The following PRIM2 variants were observed in gnomAD, a reference collection of about 807,000 sequenced individuals.
PRIM2 encodes DNA primase large subunit.
Under a neutral mutation model 67.3 loss-of-function variants are expected in PRIM2, and 39 were observed. That is an observed-to-expected ratio of 0.58 (90% CI 0.45 to 0.76). PRIM2 has a LOEUF of 0.76. PRIM2 is among the 30% of genes least tolerant of loss of function. The pLI is 0.00. For synonymous variants in PRIM2, 143 were observed against 198.7 expected (o/e 0.72, Z 2.36); for missense variants, 398 against 598.7 (o/e 0.66, Z 3.50).
intron 13 of PRIM2, among the ~76,000 whole-genome samples, chr6:57,638,199 C>A (rs1777158040): frequency 6.6e-6 from 1 of 152,116 alleles, no homozygotes; most frequent in Non-Finnish European, 1.5e-5. Flanking sequence ...CAAGCAAATG[C>A]TGAGAGATTT....
chr6:57,283,568 T>A, the PRIM2 span, among the ~76,000 whole-genome samples: 1 of 152,218 alleles, frequency 6.6e-6, no homozygotes, highest in African/African-American at 2.4e-5. Flanking sequence ...TCAGATTTTT[T>A]ATTAACTCGG....
At chr6:57,380,288 T>TC (rs1769913950) in intron 6 of PRIM2, among the ~76,000 whole-genome samples, 1 of 151,934 alleles carries the variant, frequency 6.6e-6, no homozygotes, top group Non-Finnish European at 1.5e-5. Flanking sequence ...CACTGGGCTA[T>TC]CCCCTGCCAG....
intron 5 of PRIM2, among the ~76,000 whole-genome samples, chr6:57,367,872 G>A (rs1045519740): frequency 1.3e-5 from 2 of 152,266 alleles, no homozygotes; most frequent in African/African-American, 2.4e-5. Flanking sequence ...GGCATCACTC[G>A]TTCCTGTCAA....
intron 12 of PRIM2, among the ~76,000 whole-genome samples, chr6:57,620,457 G>A (rs1776832223): frequency 6.6e-6 from 1 of 152,098 alleles, no homozygotes; most frequent in African/African-American, 2.4e-5. Context: ...TGTATCCAGT[G>A]AAACTAAGCA....
the PRIM2 span, among the ~76,000 whole-genome samples, chr6:57,262,886 T>C: frequency 1.1e-4 from 17 of 152,064 alleles, no homozygotes; most frequent in Non-Finnish European, 2.2e-4. Context: ...CCTCCACAGC[T>C]CTCCCAACCC....
At position 57,320,550 on chromosome 6, in the gene PRIM2, T is replaced by G. The variant is rs746056265; in HGVS notation, c.248T>G (p.Phe83Cys). The G allele has an allele frequency of 6.2e-7, 1 of 1,603,576 alleles. No homozygotes were observed. Among genetic ancestry groups the G allele is most frequent in the South Asian group, 1.1e-5 (1 of 89,112 alleles). Residue 83 changes from phenylalanine to cysteine, a missense_variant, in exon 3 of 14, where the codon TTT becomes TGT. Around this residue, in one of 4 missense-constraint regions of PRIM2, gnomAD observed 96 missense variants for 98.3 expected, o/e 0.98. Transcript: ENST00000615550. ...GAGAGTGAGCTTCGGAAGCTCAAGT[T>G]TTCCTACAGAGTAAGTAAAAAAGGA... ...KLESELRKLK[F>C]SYRENLEDEY...
intron 7 of PRIM2, among the ~76,000 whole-genome samples, chr6:57,492,442 C>T (rs1424403400): frequency 2.0e-5 from 3 of 151,758 alleles, no homozygotes; most frequent in Non-Finnish European, 2.9e-5. Flanking sequence ...ACTCAGGAGG[C>T]TGAGGCAGGA....
At chr6:57,436,942 A>G (rs1352772337) in intron 7 of PRIM2, among the ~76,000 whole-genome samples, 1 of 152,216 alleles carries the variant, frequency 6.6e-6, no homozygotes, top group Non-Finnish European at 1.5e-5. Context: ...TTGGTGTATT[A>G]GTCCATTCTT....
chr6:57,590,047 G>C (rs1210896221), intron 10 of PRIM2, among the ~76,000 whole-genome samples: 1 of 152,182 alleles, frequency 6.6e-6, no homozygotes, highest in Non-Finnish European at 1.5e-5. Context: ...CAGAAAGAAA[G>C]ACTTCTAGCT....
chr6:57,586,102 G>T (rs1187724717), intron 10 of PRIM2, among the ~76,000 whole-genome samples: 4 of 152,236 alleles, frequency 2.6e-5, no homozygotes, highest in Middle Eastern at 3.4e-3. Context: ...TTGTTTTAGA[G>T]ATAACTTTAA....
At chr6:57,537,942 A>G (rs1775033321) in intron 10 of PRIM2, among the ~76,000 whole-genome samples, 2 of 152,132 alleles carry the variant, frequency 1.3e-5, no homozygotes, top group African/African-American at 4.8e-5. Context: ...GCACTGGGAG[A>G]TATCATGAAC....
intron 8 of PRIM2, among the ~76,000 whole-genome samples, chr6:57,525,338 C>T (rs1581969689): frequency 6.6e-6 from 1 of 152,154 alleles, no homozygotes; most frequent in South Asian, 2.1e-4. Flanking sequence ...ATATATTTAA[C>T]GTTGTTAAAC....
intron 7 of PRIM2, among the ~76,000 whole-genome samples, chr6:57,478,337 G>GTTTTTTTTTTTTTTTTT (rs1170764739): frequency 7.7e-6 from 1 of 130,664 alleles, no homozygotes; most frequent in Non-Finnish European, 1.6e-5. Flanking sequence ...TTTTTTTTTT[G>GTTTTTTTTTTTTTTTTT]TTTTTTTTTT....
chr6:57,580,955 GAA>G (rs1323619778), intron 10 of PRIM2, among the ~76,000 whole-genome samples: 1 of 149,408 alleles, frequency 6.7e-6, no homozygotes, highest in Non-Finnish European at 1.5e-5. Context: ...AACTATGAAA[GAA>G]AAAAAAATAA....
At chr6:57,285,396 C>T in the PRIM2 span, among the ~76,000 whole-genome samples, 1 of 152,180 alleles carries the variant, frequency 6.6e-6, no homozygotes, top group African/African-American at 2.4e-5. Flanking sequence ...AAACCAAACC[C>T]AGCAGCACAT....
chr6:57,565,591 C>T (rs1473753361), intron 10 of PRIM2, among the ~76,000 whole-genome samples: 5 of 152,170 alleles, frequency 3.3e-5, no homozygotes, highest in African/African-American at 9.7e-5. Context: ...TCTATTCAGG[C>T]TCTCATCAAA....
chr6:57,318,673 A>G, intron 2 of PRIM2, 74 bp downstream of exon 2: 2 of 1,208,894 alleles, frequency 1.7e-6, no homozygotes, highest in South Asian at 2.8e-5. Context: ...GAATGAAGGT[A>G]ATTCATTTCC....
chr6:57,451,409 G>C (rs1296571538), intron 7 of PRIM2, among the ~76,000 whole-genome samples: 2 of 152,046 alleles, frequency 1.3e-5, no homozygotes, highest in African/African-American at 2.4e-5. Context: ...CAAAGTGCTG[G>C]GATTACAGGT....
At chr6:57,344,335 T>G (rs1341051759) in intron 5 of PRIM2, among the ~76,000 whole-genome samples, 1 of 152,136 alleles carries the variant, frequency 6.6e-6, no homozygotes, top group African/African-American at 2.4e-5. Flanking sequence ...ATTGAGTAAT[T>G]ATTTTTTTTC....
Sources: allele counts gnomAD v4.1 joint callset (sites outside exome capture counted in the v4.1 genomes callset), GRCh38; gene constraint gnomAD v4.1.1; regional missense constraint gnomAD v4.1.1; transcripts MANE v1.5; gene names NCBI Gene and HGNC (gene_info 2026-07-23, HGNC 2026-07-21).